Variants in DCLK3 observed in about 807,000 individuals in gnomAD.
DCLK3 encodes the protein serine/threonine-protein kinase DCLK3.
Under a neutral mutation model 46.4 loss-of-function variants are expected in DCLK3, and 30 were observed. That is an observed-to-expected ratio of 0.65 (90% CI 0.48 to 0.88). The LOEUF is 0.88. Ranked by LOEUF, DCLK3 falls within the 40% of genes least tolerant of loss-of-function variation. The pLI, the probability that DCLK3 is intolerant of heterozygous loss-of-function variation, is 0.00. For missense variants in DCLK3, 846 were observed against 907.1 expected, an observed-to-expected ratio of 0.93 and a Z score of 0.87; for synonymous variants, 401 against 339.2, an observed-to-expected ratio of 1.18 and a Z score of -2.00.
At chr3:36,753,783 C>T (rs1433806727) in intron 1 of DCLK3, among the ~76,000 whole-genome samples, 1 of 152,178 alleles carries the variant, frequency 6.6e-6, no homozygotes, top group Non-Finnish European at 1.5e-5. Flanking sequence ...AATTCTCCCA[C>T]CTCTGCCTCC....
At chr3:36,728,023 C>T (rs945398001) in intron 2 of DCLK3, among the ~76,000 whole-genome samples, 1 of 152,320 alleles carries the variant, frequency 6.6e-6, no homozygotes, top group South Asian at 2.1e-4. Context: ...AAACGTGTCT[C>T]AAACATCCTC....
intron 1 of DCLK3, among the ~76,000 whole-genome samples, chr3:36,757,891 T>C (rs1701502139): frequency 6.6e-6 from 1 of 152,050 alleles, no homozygotes; most frequent in Admixed American, 6.5e-5. Flanking sequence ...TCCTGTGGAT[T>C]CCAGCTCCTG....
intron 4 of DCLK3, 60 bp downstream of exon 4, chr3:36,717,950 C>T: frequency 6.2e-7 from 1 of 1,603,656 alleles, no homozygotes; most frequent in Non-Finnish European, 8.5e-7. Context: ...GGGTCCTCTA[C>T]ACATCTGACC....
intron 1 of DCLK3, among the ~76,000 whole-genome samples, chr3:36,762,369 GA>G (rs1559396311): frequency 6.6e-6 from 1 of 152,188 alleles, no homozygotes; most frequent in Non-Finnish European, 1.5e-5. Context: ...GAATTCCTAT[GA>G]AAGTGTATTA....
At chr3:36,744,012 GCA>G (rs1701373309) in intron 1 of DCLK3, among the ~76,000 whole-genome samples, 1 of 152,200 alleles carries the variant, frequency 6.6e-6, no homozygotes, top group South Asian at 2.1e-4. Flanking sequence ...CCAATACCTA[GCA>G]CAGAATGTGG....
At chr3:36,736,838 G>A (rs1701268754) in intron 2 of DCLK3, among the ~76,000 whole-genome samples, 1 of 152,186 alleles carries the variant, frequency 6.6e-6, no homozygotes, top group South Asian at 2.1e-4. Context: ...CATCTCAGTG[G>A]GAGGGTGGAT....
At chr3:36,741,496 C>A (rs904342908) in intron 1 of DCLK3, among the ~76,000 whole-genome samples, 33 of 152,204 alleles carry the variant, frequency 2.2e-4, no homozygotes, top group African/African-American at 7.7e-4. Flanking sequence ...GGCAGACCTA[C>A]CAGGAAAACC....
chr3:36,744,103 T>C (rs1701374003), intron 1 of DCLK3, among the ~76,000 whole-genome samples: 1 of 152,184 alleles, frequency 6.6e-6, no homozygotes, highest in South Asian at 2.1e-4. Flanking sequence ...CCCTCTCAAC[T>C]AAACTGTAAG....
chr3:36,730,510 C>T (rs779162392), intron 2 of DCLK3, among the ~76,000 whole-genome samples: 1 of 152,116 alleles, frequency 6.6e-6, no homozygotes, highest in Non-Finnish European at 1.5e-5. Context: ...TATTAATGAA[C>T]AATATTCAAA....
intron 1 of DCLK3, among the ~76,000 whole-genome samples, chr3:36,755,758 A>G (rs1701479667): frequency 6.6e-6 from 1 of 152,162 alleles, no homozygotes; most frequent in African/African-American, 2.4e-5. Context: ...GACACTGTTT[A>G]TCAGATAGAT....
intron 1 of DCLK3, among the ~76,000 whole-genome samples, chr3:36,747,578 A>G (rs556410660): frequency 6.6e-6 from 1 of 152,242 alleles, no homozygotes; most frequent in African/African-American, 2.4e-5. Context: ...ATGAGTCTAG[A>G]GTCCTCTCTG....
Position 36,713,821 on chromosome 3 carries a change from G to T in DCLK3, c.*1507C>A, listed in dbSNP as rs1700941319. 2 of 152,372 alleles carry T rather than the reference G, an allele frequency of 1.3e-5. No individual in the cohort carries two copies. The highest frequency in any genetic ancestry group is 1.9e-4 in the East Asian group (1 of 5,176). 9.4% of individuals were successfully genotyped at this position (152,372 alleles called of 1,614,324 possible). A position where few individuals can be genotyped will look rare whatever the true frequency, so the allele number is the denominator to read the frequency against. On this transcript the variant is annotated 3_prime_UTR_variant, in exon 5 of 5. Coordinates refer to ENST00000636136, the MANE Select transcript of DCLK3 (RefSeq NM_001394672.2). The stretch of plus-strand genomic sequence containing the variant: ...CGTAGTTGGATGGCCCTTCAGTATT[G>T]TCCCTGTTTGGGACAAAGGAGCTGA...
chr3:36,736,367 T>C (rs1016114496), intron 2 of DCLK3, among the ~76,000 whole-genome samples: 1 of 152,174 alleles, frequency 6.6e-6, no homozygotes, highest in Non-Finnish European at 1.5e-5. Flanking sequence ...TGTGACCTTA[T>C]ATGTGGTTTG....
intron 3 of DCLK3, 146 bp downstream of exon 3, chr3:36,721,381 C>A: frequency 8.6e-7 from 1 of 1,157,350 alleles, no homozygotes; most frequent in Non-Finnish European, 1.2e-6. Context: ...GTCAAGCCTA[C>A]TTCAAATATT....
intron 2 of DCLK3, among the ~76,000 whole-genome samples, chr3:36,731,178 A>T (rs949204612): frequency 5.3e-5 from 8 of 152,012 alleles, no homozygotes; most frequent in Non-Finnish European, 1.2e-4. Flanking sequence ...TGGACTTTGG[A>T]CTGTAGGTGT....
intron 1 of DCLK3, among the ~76,000 whole-genome samples, chr3:36,757,627 T>G (rs1324660688): frequency 6.6e-6 from 1 of 152,054 alleles, no homozygotes; most frequent in South Asian, 2.1e-4. Flanking sequence ...AGAAGAAAAA[T>G]AGACACTGCA....
Position 36,738,501 on chromosome 3 carries a change from G to T in DCLK3, c.666C>A (p.Arg222=). 2 of 1,508,842 alleles carry T rather than the reference G, an allele frequency of 1.3e-6. No individual in the cohort carries two copies. Among genetic ancestry groups the T allele is most frequent in the Non-Finnish European group, 1.8e-6 (2 of 1,129,066 alleles). The allele number at this position is 1,508,842 out of a possible 1,614,324, so 93.5% of individuals were successfully genotyped here. A position where few individuals can be genotyped will look rare whatever the true frequency, so the allele number is the denominator to read the frequency against. ...LFSKALKGDH[R]CGETETPKSC... ...TCTTGGGGGTCTCGGTCTCCCCACA[G>T]CGGTGGTCTCCTTTCAGAGCCTTGC... The change falls in exon 2 of 5, where the codon CGC becomes CGA. Residue 222 remains arginine, a synonymous_variant. Coordinates refer to ENST00000636136, the MANE Select transcript of DCLK3 (RefSeq NM_001394672.2).
chr3:36,721,688 C>T lies in DCLK3; in HGVS notation c.1960-29G>A, dbSNP rs1454230105. ...TAAGAAACCAAAATCCCCAAACCAC[C>T]AAAATTGTGATTAGAACAAAGAAGG... On this transcript the variant is annotated intron_variant, in intron 2 of 4. Coordinates refer to ENST00000636136, the MANE Select transcript of DCLK3 (RefSeq NM_001394672.2). 5 of 1,613,456 alleles carry T rather than the reference C, an allele frequency of 3.1e-6. No homozygotes were observed. In the South Asian group the frequency reaches 5.5e-5, roughly 18 times the overall value.
intron 1 of DCLK3, among the ~76,000 whole-genome samples, chr3:36,757,852 C>T (rs1022003435): frequency 6.6e-5 from 10 of 152,162 alleles, no homozygotes; most frequent in African/African-American, 2.2e-4. Flanking sequence ...TCCCTTCCAT[C>T]CCCTCCCACA....
Sources: gnomAD v4.1 joint callset for allele counts (sites outside exome capture counted in the v4.1 genomes callset) on GRCh38, gnomAD v4.1.1 for gene constraint, MANE v1.5 for transcripts, NCBI Gene and HGNC (gene_info 2026-07-23, HGNC 2026-07-21) for gene names.